FAM111A: variants seen among roughly 807,000 people sequenced by gnomAD.
FAM111A encodes FAM111 trypsin like peptidase A, also known as serine protease FAM111A.
A neutral mutation model predicts 3.3 loss-of-function variants in FAM111A; 8 were observed. The ratio of observed to expected loss-of-function variants is 2.39; its 90% confidence interval spans 1.40 to 4.32. FAM111A has a LOEUF of 4.32. Among genes scored for constraint, FAM111A ranks in the 30% most tolerant of loss-of-function variants. The pLI is 0.00. For synonymous variants in FAM111A, 227 were observed against 243.1 expected (o/e 0.93, Z 0.62); for missense variants, 683 against 727.6 (o/e 0.94, Z 0.71).
chr11:59,148,475 G>A (rs555076161), intron 4 of FAM111A: 90 of 164,756 alleles, frequency 5.5e-4, no homozygotes, highest in South Asian at 1.6e-3. Context: ...CTGCCACATA[G>A]CTCTGGCCTT....
In FAM111A at chr11:59,152,486, TC is replaced by T. The variant is rs748998808; in HGVS notation, c.822del (p.Ser275ValfsTer18). Reference sequence around the variant, plus strand: ...CAGGTTGAGGTTGAGAAAAGAATGGTCCCCAGTGCAGCAGCTTCTCAGAATC... The same window carrying T: ...CAGGTTGAGGTTGAGAAAAGAATGGTCCCAGTGCAGCAGCTTCTCAGAATC... ...YFQVEVEKRMVPSAAASQNPE... is the reference protein window; with the variant it reads ...YFQVEVEKRMXPSAAASQNPE... On this transcript the variant is annotated frameshift_variant, in exon 6 of 6. Transcript: ENST00000675163. LOFTEE classifies it low-confidence loss of function (END_TRUNC). 1.9e-6 allele frequency: 3 copies of T among 1,613,924 alleles called. No individual in the cohort carries two copies. The highest frequency in any genetic ancestry group is 2.2e-5 in the South Asian group (2 of 91,054).
At position 59,152,800 on chromosome 11, in the gene FAM111A, T is replaced by C. The variant is rs1259613840; in HGVS notation, c.1132T>C (p.Leu378=). The C allele has an allele frequency of 1.9e-6, 3 of 1,614,058 alleles. No homozygotes were observed. Among genetic ancestry groups the C allele is most frequent in the African/African-American group, 2.7e-5 (2 of 74,916 alleles). The change falls in exon 6 of 6, where the codon TTG becomes CTG. Residue 378 remains leucine (L), a synonymous_variant. Coordinates refer to ENST00000675163, the MANE Select transcript of FAM111A (RefSeq NM_001312909.2). ...GYATCFVFKG[L]FILTCRHVID... ...CGCCACCTGCTTTGTTTTTAAAGGA[T>C]TGTTCATTTTAACTTGTCGGCATGT... is the stretch of plus-strand genomic sequence containing the variant.
At chr11:59,146,951 T>C (rs1861001712) in intron 4 of FAM111A, among the ~76,000 whole-genome samples, 1 of 152,186 alleles carries the variant, frequency 6.6e-6, no homozygotes, top group Non-Finnish European at 1.5e-5. Flanking sequence ...TATGTAATTT[T>C]TAGAGATGGG....
At chr11:59,147,706 A>G (rs1231426290) in intron 4 of FAM111A, among the ~76,000 whole-genome samples, 2 of 152,234 alleles carry the variant, frequency 1.3e-5, no homozygotes, top group South Asian at 4.1e-4. Flanking sequence ...AAATTGGCAA[A>G]AAAATGAACA....
rs753186547 is a variant in FAM111A at position 59,152,910 on chromosome 11, T to G, written c.1242T>G (p.Tyr414Ter). ...AATGTGTAAGGGTGACATTTGGTTA[T>G]GAAGAGCTAAAAGACAAGGAAACAA... ...IGQCVRVTFGYEELKDKETNY... is the reference protein window; with the variant it reads ...IGQCVRVTFG Residue 414 changes from tyrosine (Y) to a stop codon, truncating the protein, a stop_gained, in exon 6 of 6, where the codon TAT becomes TAG. Transcript: ENST00000675163. LOFTEE classifies it low-confidence loss of function (END_TRUNC). 1.5e-5 allele frequency: 24 copies of G among 1,614,180 alleles called. No homozygotes were observed. The highest frequency in any genetic ancestry group is 1.9e-5 in the Non-Finnish European group (22 of 1,180,040).
At chr11:59,145,163 A>G (rs1387596328) in intron 3 of FAM111A, 2 of 152,356 alleles carry the variant, frequency 1.3e-5, no homozygotes, top group African/African-American at 4.8e-5. Flanking sequence ...GCCCCTGGAA[A>G]GGCAGAAAGT....
rs1565209282 is a variant in FAM111A at position 59,154,456 on chromosome 11, A to T, written c.*952A>T. 6.6e-6 allele frequency: 1 copy of T among 152,084 alleles called. No individual in the cohort carries two copies. Among genetic ancestry groups the T allele is most frequent in the Non-Finnish European group, 1.5e-5 (1 of 68,012 alleles). 9.4% of individuals were successfully genotyped at this position (152,084 alleles called of 1,614,324 possible). Reference sequence around the variant, plus strand: ...ATATTACTTTATTTAGATTTCTACTACTCCAATTATTAATGTTATGTATTT... The same window carrying T: ...ATATTACTTTATTTAGATTTCTACTTCTCCAATTATTAATGTTATGTATTT... On this transcript the variant is annotated 3_prime_UTR_variant, in exon 6 of 6. Coordinates refer to ENST00000675163, the MANE Select transcript of FAM111A (RefSeq NM_001312909.2).
In FAM111A at chr11:59,154,356, G is replaced by C. The variant is rs1349310221; in HGVS notation, c.*852G>C. Reference sequence around the variant, plus strand: ...TTACTGAAACTGTCGGAATATATGGGTCTTGAAATTCAGAAGATGATAGTC... The same window carrying C: ...TTACTGAAACTGTCGGAATATATGGCTCTTGAAATTCAGAAGATGATAGTC... On this transcript the variant is annotated 3_prime_UTR_variant, in exon 6 of 6. Transcript: ENST00000675163. 1.3e-5 allele frequency: 2 copies of C among 152,128 alleles called. No homozygotes were observed. Among genetic ancestry groups the C allele is most frequent in the Non-Finnish European group, 2.9e-5 (2 of 68,028 alleles). The allele number at this position is 152,128 out of a possible 1,614,324, so 9.4% of individuals were successfully genotyped here. A position where few individuals can be genotyped will look rare whatever the true frequency, so the allele number is the denominator to read the frequency against.
chr11:59,151,720 A>G, intron 5 of FAM111A, 30 bp from the exon 6 acceptor site: 1 of 1,473,692 alleles, frequency 6.8e-7, no homozygotes, highest in South Asian at 1.3e-5. Flanking sequence ...TTGCATTCAG[A>G]GTTTTAAAGT....
In FAM111A at chr11:59,152,128, G is replaced by A; in HGVS notation, c.460G>A (p.Val154Ile). The change falls in exon 6 of 6, where the codon GTC (valine) becomes ATC (isoleucine). Residue 154 changes from valine to isoleucine, a missense_variant. Val to Ile is a conservative substitution (Grantham distance 29). Transcript: ENST00000675163. ...TTGTTTCCCTGAAGGTGGCCAGGTGGTCATTACATTTTCCCAAAGTAAAAG... is the reference window on the plus strand; with the variant it reads ...TTGTTTCCCTGAAGGTGGCCAGGTGATCATTACATTTTCCCAAAGTAAAAG... ...LSCFPEGGQVVITFSQSKSKQ... is the reference protein window; with the variant it reads ...LSCFPEGGQVIITFSQSKSKQ... 1 of 1,614,118 alleles carries A rather than the reference G, an allele frequency of 6.2e-7. No homozygotes were observed. Among genetic ancestry groups the A allele is most frequent in the Non-Finnish European group, 8.5e-7 (1 of 1,180,028 alleles).
chr11:59,153,622 T>C lies in FAM111A; in HGVS notation c.*118T>C. The stretch of plus-strand genomic sequence containing the variant: ...TATCAATAATAATAATATTGACCAT[T>C]TCCTATCTGCCAGGCATTTTTCTAA... On this transcript the variant is annotated 3_prime_UTR_variant, in exon 6 of 6. Coordinates refer to ENST00000675163, the MANE Select transcript of FAM111A (RefSeq NM_001312909.2). 1 of 737,952 alleles carries C rather than the reference T, an allele frequency of 1.4e-6. No homozygotes were observed. Among genetic ancestry groups the C allele is most frequent in the Non-Finnish European group, 2.2e-6 (1 of 462,084 alleles). The allele number at this position is 737,952 out of a possible 1,614,324, so 45.7% of individuals were successfully genotyped here.
intron 5 of FAM111A, chr11:59,149,245 A>T (rs1394722781): frequency 8.1e-6 from 2 of 246,624 alleles, no homozygotes; most frequent in South Asian, 7.8e-5. Context: ...AGGCACACTC[A>T]TTTTTTTTTT....
At chr11:59,147,194 T>G (rs967327052) in intron 4 of FAM111A, among the ~76,000 whole-genome samples, 1 of 152,066 alleles carries the variant, frequency 6.6e-6, no homozygotes, top group Non-Finnish European at 1.5e-5. Flanking sequence ...GAGTACAAGT[T>G]TCAGGCTCTT....
At chr11:59,149,935 A>G (rs1861441326) in intron 5 of FAM111A, among the ~76,000 whole-genome samples, 1 of 152,222 alleles carries the variant, frequency 6.6e-6, no homozygotes, top group Non-Finnish European at 1.5e-5. Flanking sequence ...CCTTGAATTT[A>G]TCAAGAAAAA....
In FAM111A at chr11:59,152,577, G is replaced by A. The variant is rs1226954045; in HGVS notation, c.909G>A (p.Leu303=). Residue 303 remains leucine (L), a synonymous_variant, in exon 6 of 6, where the codon TTG becomes TTA. Coordinates refer to ENST00000675163, the MANE Select transcript of FAM111A (RefSeq NM_001312909.2). ...AAATCGTGGCTCAGTACCCCAGTTT[G>A]AAAAGAGAAAGTGAAAAAATCATTG... ...REQIVAQYPS[L]KRESEKIIEN... The A allele has an allele frequency of 8.1e-6, 13 of 1,613,706 alleles. No homozygotes were observed. The highest frequency in any genetic ancestry group is 1.3e-5 in the African/African-American group (1 of 74,854).
At chr11:59,148,616 T>G (rs978656089) in intron 4 of FAM111A, 181 bp from the exon 5 acceptor site, 2 of 424,128 alleles carry the variant, frequency 4.7e-6, no homozygotes, top group Admixed American at 8.0e-5. Context: ...ATAATTTTCA[T>G]GAAGTGCCTG....
chr11:59,154,475 TG>T lies in FAM111A; in HGVS notation c.*972del, dbSNP rs1164854147. 3 of 152,232 alleles carry T rather than the reference TG, an allele frequency of 2.0e-5. No individual in the cohort carries two copies. The highest frequency in any genetic ancestry group is 4.4e-5 in the Non-Finnish European group (3 of 68,042). The allele number at this position is 152,232 out of a possible 1,614,324, so 9.4% of individuals were successfully genotyped here. ...TCTACTACTCCAATTATTAATGTTA[TG>T]TATTTCTCATTGTTTTACTTCTTCA... On this transcript the variant is annotated 3_prime_UTR_variant, in exon 6 of 6. Transcript: ENST00000675163.
intron 4 of FAM111A, among the ~76,000 whole-genome samples, chr11:59,147,776 T>C (rs1033327350): frequency 6.6e-6 from 1 of 152,244 alleles, no homozygotes; most frequent in Admixed American, 6.5e-5. Context: ...TTTTCTCTAA[T>C]AAATTGTTCA....
At chr11:59,145,450 CAG>C (rs1860735310) in intron 3 of FAM111A, 1 of 152,184 alleles carries the variant, frequency 6.6e-6, no homozygotes, top group Non-Finnish European at 1.5e-5. Flanking sequence ...AAGTATAAAA[CAG>C]GGGTTGGTAT....
Sources: gnomAD v4.1 joint callset for allele counts (sites outside exome capture counted in the v4.1 genomes callset) on GRCh38, gnomAD v4.1.1 for gene constraint, MANE v1.5 for transcripts, NCBI Gene and HGNC (gene_info 2026-07-23, HGNC 2026-07-21) for gene names.